Variants in SGMS1 observed in about 807,000 individuals in gnomAD.
SGMS1 encodes the protein phosphatidylcholine:ceramide cholinephosphotransferase 1.
Under a neutral mutation model 46.2 loss-of-function variants are expected in SGMS1, and 13 were observed. The ratio of observed to expected loss-of-function variants is 0.28; its 90% CI spans 0.18 to 0.45. The LOEUF (loss-of-function observed/expected upper bound fraction) is 0.45, where lower values mean the gene tolerates loss of function less well. SGMS1 is among the 20% of genes least tolerant of loss of function. The pLI is 1.00. For missense variants in SGMS1, 324 were observed against 519.9 expected, an observed-to-expected ratio of 0.62 and a Z score of 3.66; for synonymous variants, 203 against 187.8, an observed-to-expected ratio of 1.08 and a Z score of -0.66.
At chr10:50,446,446 G>A (rs1468906196) in intron 5 of SGMS1, among the ~76,000 whole-genome samples, 1 of 152,006 alleles carries the variant, frequency 6.6e-6, no homozygotes, top group African/African-American at 2.4e-5. Context: ...CGAATATCAG[G>A]GGCTGGTTTC....
At chr10:50,414,259 A>G (rs1028413507) in intron 6 of SGMS1, among the ~76,000 whole-genome samples, 1 of 152,214 alleles carries the variant, frequency 6.6e-6, no homozygotes, top group African/African-American at 2.4e-5. Context: ...TTAAAAAATT[A>G]GCCAGGCATG....
chr10:50,521,439 A>G (rs1268478869), intron 2 of SGMS1, among the ~76,000 whole-genome samples: 1 of 152,200 alleles, frequency 6.6e-6, no homozygotes, highest in African/African-American at 2.4e-5. Context: ...TATAGCTATC[A>G]GCCTTAGTAA....
chr10:50,477,997 A>G (rs1324812054), intron 3 of SGMS1, among the ~76,000 whole-genome samples: 2 of 152,216 alleles, frequency 1.3e-5, no homozygotes, highest in Non-Finnish European at 2.9e-5. Flanking sequence ...ACAGAGTGAT[A>G]CAGATGGTAA....
intron 6 of SGMS1, among the ~76,000 whole-genome samples, chr10:50,368,036 C>T (rs960863385): frequency 2.0e-5 from 3 of 152,230 alleles, no homozygotes; most frequent in Non-Finnish European, 4.4e-5. Context: ...CAATAGATGT[C>T]CTGGGACCAA....
At chr10:50,525,665 G>A (rs535514339) in intron 2 of SGMS1, among the ~76,000 whole-genome samples, 3 of 152,274 alleles carry the variant, frequency 2.0e-5, no homozygotes, top group Admixed American at 6.5e-5. Context: ...TTTGAGGTAC[G>A]AAATTCCCAG....
At position 50,522,453 on chromosome 10, in the gene SGMS1, C is replaced by T. The variant is rs1007864730; in HGVS notation, c.-588-2532G>A. Among the ~76,000 whole-genome samples the T allele has an allele frequency of 9.9e-5, 15 of 152,062 alleles. No homozygotes were observed. In the East Asian group the frequency reaches 2.7e-3, roughly 27 times the overall value. ...TGTTAGAGACCAAAATCTGGTATTACCCACTTTTATAGTCATTGTTCATAC... is the reference window on the plus strand; with the variant it reads ...TGTTAGAGACCAAAATCTGGTATTATCCACTTTTATAGTCATTGTTCATAC... On this transcript the variant is annotated intron_variant, in intron 2 of 10. Transcript: ENST00000361781.
chr10:50,523,573 C>T (rs1485579367), intron 2 of SGMS1, among the ~76,000 whole-genome samples: 1 of 152,180 alleles, frequency 6.6e-6, no homozygotes, highest in Admixed American at 6.5e-5. Context: ...AACAGTAGAG[C>T]CTACCCTAAG....
At chr10:50,354,045 C>T (rs1211940131) in intron 6 of SGMS1, among the ~76,000 whole-genome samples, 1 of 151,728 alleles carries the variant, frequency 6.6e-6, no homozygotes, top group African/African-American at 2.4e-5. Context: ...AATGCCATCC[C>T]CATCAAGCTA....
chr10:50,576,168 A>G (rs958476563), intron 2 of SGMS1, among the ~76,000 whole-genome samples: 6 of 152,158 alleles, frequency 3.9e-5, no homozygotes, highest in African/African-American at 1.2e-4. Context: ...TCCATGAGGT[A>G]CCCACTGAGA....
intron 6 of SGMS1, among the ~76,000 whole-genome samples, chr10:50,350,492 C>T (rs987430148): frequency 6.6e-6 from 1 of 152,182 alleles, no homozygotes; most frequent in Non-Finnish European, 1.5e-5. Flanking sequence ...GTCTCCAGGG[C>T]ATGTCAGAAG....
intron 2 of SGMS1, among the ~76,000 whole-genome samples, chr10:50,573,963 A>C (rs1838357975): frequency 6.6e-6 from 1 of 152,222 alleles, no homozygotes; most frequent in Admixed American, 6.5e-5. Context: ...GGAAAGCTGG[A>C]TATCTATATC....
chr10:50,417,706 A>G (rs949784420), intron 6 of SGMS1, among the ~76,000 whole-genome samples: 7 of 152,148 alleles, frequency 4.6e-5, no homozygotes, highest in African/African-American at 1.7e-4. Context: ...TTAATAACCA[A>G]TCTGTAGACA....
At chr10:50,346,048 A>C (rs1342029219) in intron 6 of SGMS1, among the ~76,000 whole-genome samples, 4 of 152,268 alleles carry the variant, frequency 2.6e-5, no homozygotes, top group Non-Finnish European at 1.5e-5. Context: ...AAGCATAATA[A>C]TAGCTGATGA....
At chr10:50,581,789 C>A (rs1397171529) in intron 2 of SGMS1, among the ~76,000 whole-genome samples, 1 of 152,184 alleles carries the variant, frequency 6.6e-6, no homozygotes, top group African/African-American at 2.4e-5. Flanking sequence ...TACTCAGACA[C>A]CACATCCTCC....
At chr10:50,583,645 AT>A (rs1209530824) in intron 2 of SGMS1, among the ~76,000 whole-genome samples, 1 of 152,222 alleles carries the variant, frequency 6.6e-6, no homozygotes, top group African/African-American at 2.4e-5. Flanking sequence ...TCATGACATC[AT>A]TTTGATCCTT....
At position 50,348,789 on chromosome 10, in the gene SGMS1, C is replaced by T. The variant is rs569131287; in HGVS notation, c.-231-4444G>A. 2.6e-5 allele frequency among the ~76,000 whole-genome samples: 4 copies of T among 152,338 alleles called. No individual in the cohort carries two copies. The South Asian group carries it at 8.3e-4, about 32-fold the overall frequency. ...GCTATTCCCATCAAGCTACCACTGA[C>T]TTTCTTCACAGAACTAGAGAAACCT... On this transcript the variant is annotated intron_variant, in intron 6 of 10. Transcript: ENST00000361781.
At chr10:50,531,246 T>A (rs755638905) in intron 2 of SGMS1, among the ~76,000 whole-genome samples, 1 of 152,184 alleles carries the variant, frequency 6.6e-6, no homozygotes, top group African/African-American at 2.4e-5. Context: ...TGCTCATGGG[T>A]TTCATATTTT....
chr10:50,325,261 G>A (rs1847512433), intron 8 of SGMS1, among the ~76,000 whole-genome samples: 1 of 152,308 alleles, frequency 6.6e-6, no homozygotes, highest in Non-Finnish European at 1.5e-5. Flanking sequence ...GGATACATGT[G>A]AAAGTTTTCA....
chr10:50,350,582 T>C (rs1847991886), intron 6 of SGMS1, among the ~76,000 whole-genome samples: 2 of 152,274 alleles, frequency 1.3e-5, no homozygotes, highest in Admixed American at 1.3e-4. Flanking sequence ...CCCCGTGCTG[T>C]GTGCAGACTA....
Sources: gnomAD v4.1 joint callset for allele counts (sites outside exome capture counted in the v4.1 genomes callset) on GRCh38, gnomAD v4.1.1 for gene constraint, MANE v1.5 for transcripts, NCBI Gene and HGNC (gene_info 2026-07-23, HGNC 2026-07-21) for gene names.